The following MGAT5 variants were observed in gnomAD, a reference collection of about 807,000 sequenced individuals.
MGAT5 encodes the protein alpha-1,6-mannosylglycoprotein 6-beta-N-acetylglucosaminyltransferase.
MGAT5 carries 30 observed loss-of-function variants against 94.3 expected under a neutral mutation model. The ratio of observed to expected loss-of-function variants is 0.32; its 90% CI spans 0.24 to 0.43. MGAT5 has a LOEUF of 0.43. MGAT5 is among the 20% of genes least tolerant of loss of function. The pLI is 1.00. For synonymous variants in MGAT5, 310 were observed against 322.9 expected, an observed-to-expected ratio of 0.96 and a Z score of 0.43; for missense variants, 691 against 905.5, an observed-to-expected ratio of 0.76 and a Z score of 3.04.
intron 1 of MGAT5, among the ~76,000 whole-genome samples, chr2:134,174,600 G>A (rs1208659058): frequency 2.0e-5 from 3 of 152,252 alleles, no homozygotes; most frequent in African/African-American, 7.2e-5. Flanking sequence ...AAAAACTAAT[G>A]ACATTTTCCT....
At chr2:134,228,375 T>A (rs1681173782) in intron 1 of MGAT5, among the ~76,000 whole-genome samples, 1 of 152,186 alleles carries the variant, frequency 6.6e-6, no homozygotes, top group South Asian at 2.1e-4. Flanking sequence ...ATCCTTATAT[T>A]TACTTTTGGT....
At chr2:134,252,494 G>A (rs1306468868), upstream of MGAT5, among the ~76,000 whole-genome samples, 3 of 152,198 alleles carry the variant, frequency 2.0e-5, no homozygotes, top group Non-Finnish European at 4.4e-5. Context: ...TGAAACATGA[G>A]TGTGCATCAG....
At chr2:134,124,927 C>T (rs1463831598) in intron 1 of MGAT5, among the ~76,000 whole-genome samples, 1 of 152,200 alleles carries the variant, frequency 6.6e-6, no homozygotes, top group African/African-American at 2.4e-5. Flanking sequence ...GGTGCACAGA[C>T]TTCTTATAAG....
intron 2 of MGAT5, among the ~76,000 whole-genome samples, chr2:134,314,782 A>C (rs13033676): frequency 0.32 from 49,065 of 152,068 alleles, 8,397 homozygotes; most frequent in Middle Eastern, 0.57. Context: ...GAAGGCCCGC[A>C]GGGAGCCTTG....
intron 1 of MGAT5, among the ~76,000 whole-genome samples, chr2:134,130,160 C>G (rs1010766265): frequency 6.6e-6 from 1 of 151,196 alleles, no homozygotes; most frequent in Admixed American, 6.6e-5. Flanking sequence ...CATCTTCCCG[C>G]GGGGCAGGGC....
chr2:134,163,614 G>A (rs2105076121), intron 1 of MGAT5, among the ~76,000 whole-genome samples: 1 of 152,326 alleles, frequency 6.6e-6, no homozygotes, highest in African/African-American at 2.4e-5. Flanking sequence ...CATTTGTCCA[G>A]GACTGGATGA....
At chr2:134,300,245 G>A (rs1050170562) in intron 2 of MGAT5, among the ~76,000 whole-genome samples, 9 of 152,042 alleles carry the variant, frequency 5.9e-5, no homozygotes, top group African/African-American at 2.2e-4. Context: ...ACTTACACTG[G>A]CACTTACTGT....
chr2:134,392,459 G>T (rs1248052736), intron 10 of MGAT5, among the ~76,000 whole-genome samples: 1 of 152,128 alleles, frequency 6.6e-6, no homozygotes, highest in East Asian at 1.9e-4. Context: ...ACCTTACGCT[G>T]CTATACCTGA....
chr2:134,416,060 T>C (rs1683940082), intron 12 of MGAT5, among the ~76,000 whole-genome samples: 1 of 152,212 alleles, frequency 6.6e-6, no homozygotes, highest in Non-Finnish European at 1.5e-5. Context: ...TTCCATGTTT[T>C]ATGCCCAAAT....
At chr2:134,314,383 G>A (rs1686876464) in intron 2 of MGAT5, among the ~76,000 whole-genome samples, 1 of 152,202 alleles carries the variant, frequency 6.6e-6, no homozygotes, top group Non-Finnish European at 1.5e-5. Context: ...TGGCCTGGTG[G>A]GAGTCTCTGC....
At chr2:134,189,605 T>TTTTTTTTTTTTGTTTTG (rs1689250657) in intron 1 of MGAT5, among the ~76,000 whole-genome samples, 1 of 106,624 alleles carries the variant, frequency 9.4e-6, no homozygotes, top group Non-Finnish European at 1.9e-5. Flanking sequence ...TTTTTTTGTT[T>TTTTTTTTTTTTGTTTTG]TTTTTTTTTT....
At chr2:134,304,711 G>A (rs954121961) in intron 2 of MGAT5, among the ~76,000 whole-genome samples, 15 of 152,156 alleles carry the variant, frequency 9.9e-5, no homozygotes, top group Non-Finnish European at 1.8e-4. Flanking sequence ...GCTAAGGGCC[G>A]GGAGAAGTTC....
intron 10 of MGAT5, among the ~76,000 whole-genome samples, chr2:134,390,338 G>C (rs1321536514): frequency 6.6e-6 from 1 of 151,866 alleles, no homozygotes; most frequent in Non-Finnish European, 1.5e-5. Context: ...TCCAACTTCA[G>C]TTACTTTGTT....
chr2:134,233,615 A>G (rs1681481890), intron 1 of MGAT5, among the ~76,000 whole-genome samples: 1 of 152,244 alleles, frequency 6.6e-6, no homozygotes, highest in Non-Finnish European at 1.5e-5. Context: ...TAGATCAGGC[A>G]GAAGGCTAGG....
At chr2:134,318,500 T>C in intron 3 of MGAT5, 150 bp from the exon 4 acceptor site, 1 of 642,056 alleles carries the variant, frequency 1.6e-6, no homozygotes, top group Non-Finnish European at 2.9e-6. Flanking sequence ...CCTGGCTATC[T>C]TGACCTCGGC....
intron 10 of MGAT5, among the ~76,000 whole-genome samples, chr2:134,393,380 A>G (rs188534892): frequency 2.6e-4 from 40 of 152,292 alleles, no homozygotes; most frequent in African/African-American, 9.4e-4. Flanking sequence ...TGAGTAATTA[A>G]TGCCACCCCT....
At position 134,258,966 on chromosome 2, in the gene MGAT5, C is replaced by T. The variant is rs1683152784; in HGVS notation, c.241+4322C>T. On this transcript the variant is annotated intron_variant, in intron 1 of 15. Transcript: ENST00000281923. ...CTGTTAGTGTGACTTGTGACTAGTA[C>T]TCAAACAATAATAGAACTTGAAGAG... 2.0e-5 allele frequency among the ~76,000 whole-genome samples: 3 copies of T among 152,216 alleles called. No homozygotes were observed. In the South Asian group the frequency reaches 6.2e-4, roughly 32 times the overall value.
At chr2:134,246,706 C>T (rs1051033240) in intron 1 of MGAT5, among the ~76,000 whole-genome samples, 4 of 152,164 alleles carry the variant, frequency 2.6e-5, no homozygotes, top group Admixed American at 6.5e-5. Flanking sequence ...TCTGAGTTTC[C>T]GCATGCAGCT....
chr2:134,237,153 G>GCGCGCA (rs60180164), intron 1 of MGAT5, among the ~76,000 whole-genome samples: 5 of 149,254 alleles, frequency 3.3e-5, no homozygotes, highest in Non-Finnish European at 5.9e-5. Context: ...GTGTGTGCGC[G>GCGCGCA]TGTGTGTGAA....
Sources: gnomAD v4.1 joint callset for allele counts (sites outside exome capture counted in the v4.1 genomes callset) on GRCh38, gnomAD v4.1.1 for gene constraint, MANE v1.5 for transcripts, NCBI Gene and HGNC (gene_info 2026-07-23, HGNC 2026-07-21) for gene names.